PAX9: variants seen among roughly 807,000 people sequenced by gnomAD.
PAX9 encodes the protein paired box 9, also known as paired box protein Pax-9.
A neutral mutation model predicts 29.1 loss-of-function variants in PAX9; 6 were observed. That is an observed-to-expected ratio of 0.21 (90% CI 0.11 to 0.41). The LOEUF (loss-of-function observed/expected upper bound fraction) is 0.41. PAX9 is among the 10% of genes least tolerant of loss of function. The probability of loss-of-function intolerance (pLI) is 1.00; values close to 1 mark genes in which losing one functional copy is unlikely to be tolerated. For synonymous variants in PAX9, 217 were observed against 211.7 expected, an observed-to-expected ratio of 1.03 and a Z score of -0.22; for missense variants, 443 against 479.1, an observed-to-expected ratio of 0.92 and a Z score of 0.70.
Position 36,676,507 on chromosome 14 carries a change from TCCC to T in PAX9, c.*58_*60del. 1 of 1,594,908 alleles carries T rather than the reference TCCC, an allele frequency of 6.3e-7. No homozygotes were observed. The highest frequency in any genetic ancestry group is 2.2e-5 in the East Asian group (1 of 44,706). On this transcript the variant is annotated 3_prime_UTR_variant, in exon 4 of 4. Coordinates refer to ENST00000361487, the MANE Select transcript of PAX9 (RefSeq NM_001372076.1). ...CGGGTCTCCCTGTCTCAGCACCTCC[TCCC>T]CCAATTCCCAGGTCTCACATCCCAC...
At position 36,663,365 on chromosome 14, in the gene PAX9, A is replaced by G. The variant is rs769417655; in HGVS notation, c.473A>G (p.His158Arg). The G allele has an allele frequency of 5.0e-6, 8 of 1,613,896 alleles. No homozygotes were observed. The highest frequency in any genetic ancestry group is 6.8e-6 in the Non-Finnish European group (8 of 1,179,994). ...CCGCAGCCAGCGCTGCCCTACAACC[A>G]CATCTACTCGTACCCCAGCCCTATC... ...PTPQPALPYN[H>R]IYSYPSPITA... The change falls in exon 2 of 4, where the codon CAC becomes CGC. Residue 158 changes from histidine (H) to arginine (R), a missense_variant. Transcript: ENST00000361487.
At chr14:36,657,716 T>C (rs1469557547), upstream of PAX9, 2 of 152,164 alleles carry the variant, frequency 1.3e-5, no homozygotes, top group Non-Finnish European at 2.9e-5. Context: ...CCCAACCCGC[T>C]GCCATTCTAG....
At chr14:36,676,106 A>T in intron 3 of PAX9, 92 bp from the exon 4 acceptor site, 2 of 1,359,100 alleles carry the variant, frequency 1.5e-6, no homozygotes, top group Middle Eastern at 1.8e-4. Context: ...TTGCTGGCTT[A>T]CTCAGACTTA....
In PAX9 at chr14:36,676,610, C is replaced by A; in HGVS notation, c.*158C>A. ...ACATCCTTTGTGCTAATGACACTTA[C>A]ATATTTCTTGCCATAACTTTTCTCT... On this transcript the variant is annotated 3_prime_UTR_variant, in exon 4 of 4. Transcript: ENST00000361487. 1 of 811,420 alleles carries A rather than the reference C, an allele frequency of 1.2e-6. No homozygotes were observed. Among genetic ancestry groups the A allele is most frequent in the Non-Finnish European group, 2.0e-6 (1 of 501,172 alleles). The allele number at this position is 811,420 out of a possible 1,614,324, so 50.3% of individuals were successfully genotyped here.
chr14:36,664,115 G>A lies in PAX9; in HGVS notation c.631+592G>A, dbSNP rs572127876. 2.4e-4 allele frequency among the ~76,000 whole-genome samples: 37 copies of A among 152,308 alleles called. No homozygotes were observed. In the East Asian group the frequency reaches 7.0e-3, roughly 29 times the overall value. On this transcript the variant is annotated intron_variant, in intron 2 of 3. Transcript: ENST00000361487. Reference sequence around the variant, plus strand: ...CTTCACTTCATTTTCCTCGGAAATGGAGGTCCCGAAGTTACTACTAGTAAC... The same window carrying A: ...CTTCACTTCATTTTCCTCGGAAATGAAGGTCCCGAAGTTACTACTAGTAAC...
At chr14:36,675,285 G>T (rs1881840822) in intron 3 of PAX9, among the ~76,000 whole-genome samples, 1 of 152,088 alleles carries the variant, frequency 6.6e-6, no homozygotes, top group South Asian at 2.1e-4. Flanking sequence ...TAAAAATCAG[G>T]GTGTTTTTAG....
In PAX9 at chr14:36,661,985, C is replaced by T. The variant is rs1052089308; in HGVS notation, c.-105C>T. 18 of 1,445,764 alleles carry T rather than the reference C, an allele frequency of 1.2e-5. No homozygotes were observed. Among genetic ancestry groups the T allele is most frequent in the Non-Finnish European group, 1.7e-5 (18 of 1,052,260 alleles). The allele number at this position is 1,445,764 out of a possible 1,614,324, so 89.6% of individuals were successfully genotyped here. On this transcript the variant is annotated 5_prime_UTR_variant, in exon 1 of 4. Coordinates refer to ENST00000361487, the MANE Select transcript of PAX9 (RefSeq NM_001372076.1). ...CTCCTCCTGGGAAGAAGCGGAGGCG[C>T]CGGCGGTCGGCCGGGATAGCAACAG...
rs1025938192 is a variant in PAX9, at chr14:36,677,692, A to T, written c.*1240A>T. On this transcript the variant is annotated 3_prime_UTR_variant, in exon 4 of 4. Coordinates refer to ENST00000361487, the MANE Select transcript of PAX9 (RefSeq NM_001372076.1). ...CTGTGAAGTTTACATTGTTGTACAG[A>T]AGCATGTTTCGCATGTAGGTAAACT... The T allele has an allele frequency of 6.6e-6, 1 of 152,246 alleles. No homozygotes were observed. The highest frequency in any genetic ancestry group is 2.4e-5 in the African/African-American group (1 of 41,470). The allele number at this position is 152,246 out of a possible 1,614,324, so 9.4% of individuals were successfully genotyped here. A position where few individuals can be genotyped will look rare whatever the true frequency, so the allele number is the denominator to read the frequency against.
chr14:36,679,099 C>T lies in PAX9; in HGVS notation c.*2647C>T, dbSNP rs1882057692. On this transcript the variant is annotated 3_prime_UTR_variant, in exon 4 of 4. Coordinates refer to ENST00000361487, the MANE Select transcript of PAX9 (RefSeq NM_001372076.1). ...AAGGTTCAATTTCATGACCTCTATG[C>T]AGGCAGCGCTCTCATTGGATGTAAG... 2.0e-6 allele frequency: 2 copies of T among 985,276 alleles called. No individual in the cohort carries two copies. The highest frequency in any genetic ancestry group is 1.1e-4 in the East Asian group (1 of 8,824). The allele number at this position is 985,276 out of a possible 1,614,324, so 61.0% of individuals were successfully genotyped here.
chr14:36,674,021 A>G (rs1489753632), intron 3 of PAX9, among the ~76,000 whole-genome samples: 1 of 152,234 alleles, frequency 6.6e-6, no homozygotes, highest in East Asian at 1.9e-4. Flanking sequence ...ATTTCTTTCC[A>G]AACTCATTTA....
At chr14:36,664,346 C>G (rs1367236882) in intron 2 of PAX9, among the ~76,000 whole-genome samples, 3 of 149,206 alleles carry the variant, frequency 2.0e-5, no homozygotes, top group Admixed American at 6.6e-5. Flanking sequence ...GAGCCTGCCA[C>G]TTTCCTTTGG....
In PAX9 at chr14:36,668,129, TCA is replaced by T. The variant is rs200839411; in HGVS notation, c.771+1529_771+1530del. ...CACGTGTAAAAGTAAGTAATATTTATCAGAGTATACTTTGTTCTGAGAGACCA... is the reference window on the plus strand; with the variant it reads ...CACGTGTAAAAGTAAGTAATATTTATGAGTATACTTTGTTCTGAGAGACCA... On this transcript the variant is annotated intron_variant, in intron 3 of 3. Transcript: ENST00000361487. 1.9e-3 allele frequency among the ~76,000 whole-genome samples: 284 copies of T among 152,296 alleles called. 4 individuals are homozygous for T. In the East Asian group the frequency reaches 0.047, roughly 25 times the overall value.
intron 2 of PAX9, chr14:36,666,108 A>T: frequency 4.1e-6 from 1 of 243,484 alleles, no homozygotes; most frequent in Non-Finnish European, 8.1e-6. Flanking sequence ...GGAGAACGGC[A>T]CGTGCAGCCT....
rs1410038518 is a variant in PAX9 at position 36,677,049 on chromosome 14, T to C, written c.*597T>C. 1.3e-5 allele frequency: 2 copies of C among 159,416 alleles called. No homozygotes were observed. Among genetic ancestry groups the C allele is most frequent in the Admixed American group, 1.2e-4 (2 of 17,058 alleles). 9.9% of individuals were successfully genotyped at this position (159,416 alleles called of 1,614,324 possible). A position where few individuals can be genotyped will look rare whatever the true frequency, so the allele number is the denominator to read the frequency against. On this transcript the variant is annotated 3_prime_UTR_variant, in exon 4 of 4. Transcript: ENST00000361487. ...AACCCAAGCAATATCTGAATCTAGCTCTCCCTGGTGTTTTGACTTGGTTCC... is the reference window on the plus strand; with the variant it reads ...AACCCAAGCAATATCTGAATCTAGCCCTCCCTGGTGTTTTGACTTGGTTCC...
chr14:36,673,530 C>CAAAG (rs145631675), intron 3 of PAX9, among the ~76,000 whole-genome samples: 1 of 151,988 alleles, frequency 6.6e-6, no homozygotes, highest in East Asian at 1.9e-4. Context: ...GGCCATCTTC[C>CAAAG]AAGTGGGTCC....
rs61734510 is a variant in PAX9, at chr14:36,663,408, G to A, written c.516G>A (p.Lys172=). ...GCCCTATCACGGCGGCGGCCGCCAA[G>A]GTGCCCACGCCACCCGGGGTGCCTG... is the stretch of plus-strand genomic sequence containing the variant. ...YPSPITAAAA[K]VPTPPGVPAI... Residue 172 remains lysine, a synonymous_variant, in exon 2 of 4, where the codon AAG becomes AAA. Coordinates refer to ENST00000361487, the MANE Select transcript of PAX9 (RefSeq NM_001372076.1). 14,162 of 1,613,250 alleles carry A rather than the reference G, an allele frequency of 8.8e-3. 99 individuals are homozygous for A. The highest frequency in any genetic ancestry group is 0.016 in the African/African-American group (1,221 of 75,046).
At position 36,679,350 on chromosome 14, in the gene PAX9, A is replaced by AAAG. The variant is rs1882081604; in HGVS notation, c.*2899_*2901dup. The AAAG allele has an allele frequency of 9.3e-6, 9 of 972,418 alleles. No individual in the cohort carries two copies. The highest frequency in any genetic ancestry group is 9.5e-5 in the South Asian group (2 of 21,032). The allele number at this position is 972,418 out of a possible 1,614,324, so 60.2% of individuals were successfully genotyped here. On this transcript the variant is annotated 3_prime_UTR_variant, in exon 4 of 4. Coordinates refer to ENST00000361487, the MANE Select transcript of PAX9 (RefSeq NM_001372076.1). ...TACTTCAAATGCTCTAAATTAATAA[A>AAAG]AAGTAATAATTACCATGTTATCTTT... is the stretch of plus-strand genomic sequence containing the variant.
chr14:36,678,528 A>G lies in PAX9; in HGVS notation c.*2076A>G, dbSNP rs1175868581. ...ATAAACTGAATGGAACAAAGATCCAATCCAATATTTTGGTGGAGACTTCTT... is the reference window on the plus strand; with the variant it reads ...ATAAACTGAATGGAACAAAGATCCAGTCCAATATTTTGGTGGAGACTTCTT... On this transcript the variant is annotated 3_prime_UTR_variant, in exon 4 of 4. Coordinates refer to ENST00000361487, the MANE Select transcript of PAX9 (RefSeq NM_001372076.1). 1.4e-5 allele frequency: 21 copies of G among 1,536,794 alleles called. No individual in the cohort carries two copies. The highest frequency in any genetic ancestry group is 1.8e-5 in the Non-Finnish European group (21 of 1,146,744).
At chr14:36,665,167 GAAA>G (rs67344124) in intron 2 of PAX9, among the ~76,000 whole-genome samples, 15,225 of 87,528 alleles carry the variant, frequency 0.17, 981 homozygotes, top group Middle Eastern at 0.25. Context: ...GAGACATAGT[GAAA>G]AAAAAAAAAA....
Sources: gnomAD v4.1 joint callset for allele counts (sites outside exome capture counted in the v4.1 genomes callset) on GRCh38, gnomAD v4.1.1 for gene constraint, MANE v1.5 for transcripts, NCBI Gene and HGNC (gene_info 2026-07-23, HGNC 2026-07-21) for gene names.